The following MAPK10 variants were observed in gnomAD, a reference collection of about 807,000 sequenced individuals.
MAPK10 encodes the protein JNK3 alpha protein kinase.
Under a neutral mutation model 59.3 loss-of-function variants are expected in MAPK10, and 25 were observed. The ratio of observed to expected loss-of-function variants is 0.42; its 90% CI spans 0.31 to 0.59. The LOEUF (loss-of-function observed/expected upper bound fraction) is 0.59, where lower values mean the gene tolerates loss of function less well. Among genes scored for constraint, MAPK10 ranks in the 20% least tolerant of loss-of-function variants. The probability of loss-of-function intolerance (pLI) is 0.15; values close to 1 mark genes in which losing one functional copy is unlikely to be tolerated. For missense variants in MAPK10, 351 were observed against 568.9 expected, an observed-to-expected ratio of 0.62 and a Z score of 3.90; for synonymous variants, 190 against 200.5, an observed-to-expected ratio of 0.95 and a Z score of 0.44.
At chr4:86,169,976 G>A (rs2073517355) in intron 3 of MAPK10, among the ~76,000 whole-genome samples, 2 of 152,052 alleles carry the variant, frequency 1.3e-5, no homozygotes, top group Non-Finnish European at 2.9e-5. Flanking sequence ...CTTTATAAGT[G>A]AAGGAGAAAT....
intron 1 of MAPK10, among the ~76,000 whole-genome samples, chr4:86,397,924 T>C (rs1324816915): frequency 6.9e-6 from 1 of 145,880 alleles, no homozygotes; most frequent in East Asian, 2.0e-4. Context: ...AATTGCCATG[T>C]AGAAAATATG....
intron 1 of MAPK10, among the ~76,000 whole-genome samples, chr4:86,446,056 C>A (rs7698396): frequency 0.02 from 3,089 of 152,100 alleles, 36 homozygotes; most frequent in Middle Eastern, 0.041. Context: ...ATTTGATGAT[C>A]GATTATAGCT....
At chr4:86,592,494 A>C (rs952249462) in intron 1 of MAPK10, among the ~76,000 whole-genome samples, 4 of 152,232 alleles carry the variant, frequency 2.6e-5, no homozygotes, top group African/African-American at 9.6e-5. Flanking sequence ...TGCAGCCATT[A>C]ATTAAGGATA....
chr4:86,108,710 A>G (rs1002184990), intron 4 of MAPK10, among the ~76,000 whole-genome samples: 1 of 152,184 alleles, frequency 6.6e-6, no homozygotes, highest in African/African-American at 2.4e-5. Context: ...AAATGCCATC[A>G]TTCTAATAAA....
In MAPK10 at chr4:86,016,633, A is replaced by G. The variant is rs1474233164; in HGVS notation, c.*595T>C. 1 of 152,992 alleles carries G rather than the reference A, an allele frequency of 6.5e-6. No individual in the cohort carries two copies. Among genetic ancestry groups the G allele is most frequent in the Non-Finnish European group, 1.5e-5 (1 of 68,346 alleles). 9.5% of individuals were successfully genotyped at this position (152,992 alleles called of 1,614,324 possible). A position where few individuals can be genotyped will look rare whatever the true frequency, so the allele number is the denominator to read the frequency against. Reference sequence around the variant, plus strand: ...CAAACTAAACAGCTTATATACTGGCAATATATTACAGATGGGTTTATGTCA... The same window carrying G: ...CAAACTAAACAGCTTATATACTGGCGATATATTACAGATGGGTTTATGTCA... On this transcript the variant is annotated 3_prime_UTR_variant, in exon 14 of 14. Coordinates refer to ENST00000641462, the MANE Select transcript of MAPK10 (RefSeq NM_138982.4).
At chr4:86,260,212 G>T (rs1197170440) in intron 2 of MAPK10, among the ~76,000 whole-genome samples, 2 of 152,030 alleles carry the variant, frequency 1.3e-5, no homozygotes, top group African/African-American at 4.8e-5. Flanking sequence ...CAGGCTGTTT[G>T]ATTCTAGAGC....
chr4:86,501,548 G>A (rs1005598010), intron 1 of MAPK10, among the ~76,000 whole-genome samples: 1 of 151,886 alleles, frequency 6.6e-6, no homozygotes, highest in Admixed American at 6.6e-5. Flanking sequence ...TGGTAAGGAG[G>A]GTTCGCTTTT....
At chr4:86,511,783 G>A (rs1756285193) in intron 1 of MAPK10, among the ~76,000 whole-genome samples, 1 of 145,460 alleles carries the variant, frequency 6.9e-6, no homozygotes, top group African/African-American at 2.5e-5. Flanking sequence ...AGAAGGAGAA[G>A]GAGAAGAAGA....
intron 7 of MAPK10, 93 bp downstream of exon 7, chr4:86,101,801 A>G: frequency 1.6e-6 from 2 of 1,287,596 alleles, no homozygotes; most frequent in South Asian, 1.3e-5. Context: ...AGTATATTAT[A>G]TTTGACCAAT....
chr4:86,226,664 C>A (rs1361570988), intron 2 of MAPK10, among the ~76,000 whole-genome samples: 1 of 152,110 alleles, frequency 6.6e-6, no homozygotes, highest in African/African-American at 2.4e-5. Flanking sequence ...AAGAGGAAGT[C>A]ATCACCTTAA....
chr4:86,425,039 G>T (rs187123099), intron 1 of MAPK10, among the ~76,000 whole-genome samples: 2 of 152,220 alleles, frequency 1.3e-5, no homozygotes, highest in East Asian at 3.9e-4. Context: ...CGTGTTCAAG[G>T]TCAAGAGGAA....
intron 1 of MAPK10, among the ~76,000 whole-genome samples, chr4:86,565,105 G>GT (rs1647523704): frequency 6.6e-6 from 1 of 152,196 alleles, no homozygotes; most frequent in South Asian, 2.1e-4. Flanking sequence ...AGAATGTGAG[G>GT]TGCTGGGGAG....
chr4:86,132,567 A>G (rs1326986798), intron 4 of MAPK10, among the ~76,000 whole-genome samples: 1 of 152,194 alleles, frequency 6.6e-6, no homozygotes, highest in Non-Finnish European at 1.5e-5. Flanking sequence ...TATAAATAAT[A>G]TAAGACAAGG....
intron 2 of MAPK10, among the ~76,000 whole-genome samples, chr4:86,345,556 T>G (rs1421877139): frequency 6.6e-6 from 1 of 152,172 alleles, no homozygotes; most frequent in Non-Finnish European, 1.5e-5. Flanking sequence ...ACTATTGGTG[T>G]CTTAGTCACT....
At position 86,082,883 on chromosome 4, in the gene MAPK10, C is replaced by T. The variant is rs201406108; in HGVS notation, c.803-14928G>A. Among the ~76,000 whole-genome samples the T allele has an allele frequency of 3.9e-5, 6 of 152,272 alleles. No homozygotes were observed. The East Asian group carries it at 1.2e-3, about 29-fold the overall frequency. On this transcript the variant is annotated intron_variant, in intron 9 of 13. Coordinates refer to ENST00000641462, the MANE Select transcript of MAPK10 (RefSeq NM_138982.4). Reference sequence around the variant, plus strand: ...TATGGGGGCTGCACTCTGGGTTGCACTGCACTTTCATTGGCAGTGCTAAGG... The same window carrying T: ...TATGGGGGCTGCACTCTGGGTTGCATTGCACTTTCATTGGCAGTGCTAAGG...
intron 3 of MAPK10, 130 bp from the exon 4 acceptor site, chr4:86,159,597 A>G: frequency 7.3e-6 from 5 of 686,870 alleles, no homozygotes; most frequent in Non-Finnish European, 1.2e-5. Flanking sequence ...TGAAGTTCAC[A>G]TAGAAAAAAA....
chr4:86,456,494 A>G (rs1751237959), upstream of MAPK10, among the ~76,000 whole-genome samples: 1 of 152,176 alleles, frequency 6.6e-6, no homozygotes, highest in African/African-American at 2.4e-5. Context: ...GACACCACAG[A>G]AATACAAAAG....
intron 2 of MAPK10, among the ~76,000 whole-genome samples, chr4:86,255,784 A>T (rs2093682502): frequency 6.6e-6 from 1 of 152,214 alleles, no homozygotes; most frequent in Admixed American, 6.5e-5. Flanking sequence ...GAAATAATCC[A>T]GCACTACCTT....
chr4:86,146,078 T>C (rs2064933354), intron 4 of MAPK10, among the ~76,000 whole-genome samples: 1 of 152,170 alleles, frequency 6.6e-6, no homozygotes, highest in Admixed American at 6.5e-5. Flanking sequence ...CATTTAGCAT[T>C]TTGGTTGGTT....
Sources: allele counts gnomAD v4.1 joint callset (sites outside exome capture counted in the v4.1 genomes callset), GRCh38; gene constraint gnomAD v4.1.1; transcripts MANE v1.5; gene names NCBI Gene and HGNC (gene_info 2026-07-23, HGNC 2026-07-21).